VPS13B: variants seen among roughly 807,000 people sequenced by gnomAD.
The protein encoded by VPS13B is vacuolar protein sorting 13 homolog B.
In VPS13B, 285 loss-of-function variants were observed where a neutral mutation model predicts 426.4. That is an observed-to-expected ratio of 0.67 (90% CI 0.61 to 0.74). The LOEUF is 0.74. VPS13B is among the 30% of genes least tolerant of loss of function. VPS13B has a pLI of 0.00. For missense variants in VPS13B, 4,537 were observed against 4,782.6 expected (o/e 0.95, Z 1.51); for synonymous variants, 1,676 against 1,676.4 (o/e 1.00, Z 0.01).
At chr8:99,078,001 T>C (rs1845228362) in intron 3 of VPS13B, among the ~76,000 whole-genome samples, 1 of 152,122 alleles carries the variant, frequency 6.6e-6, no homozygotes, top group South Asian at 2.1e-4. Flanking sequence ...TTTTATTCAT[T>C]GAGTTTTTCA....
intron 21 of VPS13B, among the ~76,000 whole-genome samples, chr8:99,418,452 T>C (rs1258002218): frequency 1.3e-5 from 2 of 149,120 alleles, no homozygotes; most frequent in Non-Finnish European, 3.0e-5. Flanking sequence ...CACTTTATCA[T>C]AGTTTTCTTT....
chr8:99,194,630 T>C (rs1321818198), intron 17 of VPS13B, among the ~76,000 whole-genome samples: 2 of 152,238 alleles, frequency 1.3e-5, no homozygotes, highest in East Asian at 3.9e-4. Flanking sequence ...TAGTAATCTA[T>C]TGCGGATATA....
intron 43 of VPS13B, among the ~76,000 whole-genome samples, chr8:99,805,172 G>T (rs1003743143): frequency 6.6e-6 from 1 of 150,602 alleles, no homozygotes; most frequent in East Asian, 1.9e-4. Context: ...GACATTTTTT[G>T]AAGTTGTTTA....
intron 36 of VPS13B, among the ~76,000 whole-genome samples, chr8:99,714,858 T>G (rs143423263): frequency 6.6e-6 from 1 of 152,192 alleles, no homozygotes; most frequent in African/African-American, 2.4e-5. Context: ...CTTTGATGAT[T>G]AAATTCAGTA....
intron 19 of VPS13B, chr8:99,341,712 T>A: frequency 2.6e-6 from 1 of 390,166 alleles, no homozygotes; most frequent in Non-Finnish European, 5.3e-6. Flanking sequence ...TATTAGATAT[T>A]CTGGGATCTT....
At chr8:99,084,412 A>C (rs1183882292) in intron 3 of VPS13B, among the ~76,000 whole-genome samples, 1 of 152,006 alleles carries the variant, frequency 6.6e-6, no homozygotes, top group African/African-American at 2.4e-5. Flanking sequence ...CAGCTCCTGG[A>C]TTCTTTAATT....
At chr8:99,028,554 G>A (rs1192868644) in intron 2 of VPS13B, among the ~76,000 whole-genome samples, 1 of 109,168 alleles carries the variant, frequency 9.2e-6, no homozygotes, top group Non-Finnish European at 2.0e-5. Flanking sequence ...CGGACGGGGC[G>A]GCTGGCCGGG....
In VPS13B at chr8:99,589,299, C is replaced by T. The variant is rs561471478; in HGVS notation, c.5220+11666C>T. ...ATATATGTGCCATGTTGGTGTGCTGCACCCATTAACTCGTCATTTAGCATT... is the reference window on the plus strand; with the variant it reads ...ATATATGTGCCATGTTGGTGTGCTGTACCCATTAACTCGTCATTTAGCATT... On this transcript the variant is annotated intron_variant, in intron 33 of 61. Transcript: ENST00000357162. 7.3e-5 allele frequency among the ~76,000 whole-genome samples: 11 copies of T among 151,680 alleles called. 1 individual carries two copies. The East Asian group carries it at 1.7e-3, about 24-fold the overall frequency.
chr8:99,087,101 C>A (rs1318411556), intron 3 of VPS13B, among the ~76,000 whole-genome samples: 1 of 152,228 alleles, frequency 6.6e-6, no homozygotes, highest in Admixed American at 6.5e-5. Flanking sequence ...TGGTGGGCTC[C>A]ACCCAGTTTG....
intron 17 of VPS13B, among the ~76,000 whole-genome samples, chr8:99,221,318 T>C (rs535606824): frequency 6.6e-6 from 1 of 151,896 alleles, no homozygotes; most frequent in East Asian, 1.9e-4. Context: ...ATGGGATGGC[T>C]GGGTCAAATG....
At chr8:99,035,151 C>T (rs1842687137) in intron 2 of VPS13B, among the ~76,000 whole-genome samples, 1 of 151,088 alleles carries the variant, frequency 6.6e-6, no homozygotes, top group Admixed American at 6.6e-5. Context: ...CCACTGCACT[C>T]CAGCCTGGGT....
chr8:99,507,176 A>G lies in VPS13B; in HGVS notation c.4197A>G (p.Val1399=), dbSNP rs1821546067. 1 of 1,613,980 alleles carries G rather than the reference A, an allele frequency of 6.2e-7. No homozygotes were observed. The highest frequency in any genetic ancestry group is 1.7e-5 in the Admixed American group (1 of 60,010). ...EGWQSGHFEG[V]FLQCKEKSVT... is the part of the protein sequence containing the mutation. ...GGCAGTCAGGACATTTTGAAGGAGT[A>G]TTTCTACAATGCAAAGAAAAATCTG... The change falls in exon 28 of 62, where the codon GTA becomes GTG. Residue 1399 remains valine (V), a synonymous_variant. Transcript: ENST00000357162.
At chr8:99,432,864 A>G (rs1817186603) in intron 22 of VPS13B, among the ~76,000 whole-genome samples, 1 of 152,146 alleles carries the variant, frequency 6.6e-6, no homozygotes, top group African/African-American at 2.4e-5. Flanking sequence ...CAACTGACAA[A>G]ATTTATTCAT....
rs2133556617 is a variant in VPS13B at position 99,481,793 on chromosome 8, T to G, written c.3861T>G (p.Thr1287=). Residue 1287 remains threonine (T), a synonymous_variant, in exon 25 of 62, where the codon ACT becomes ACG. Transcript: ENST00000357162. The part of the protein sequence containing the change: ...STCSPSADIG[T]TTEGDSIQAG... Reference sequence around the variant, plus strand: ...GCAGCCCATCTGCTGACATTGGGACTACTACTGAGGTAAGTGTTTTTGAAA... The same window carrying G: ...GCAGCCCATCTGCTGACATTGGGACGACTACTGAGGTAAGTGTTTTTGAAA... 1.2e-6 allele frequency: 2 copies of G among 1,613,832 alleles called. No individual in the cohort carries two copies. The highest frequency in any genetic ancestry group is 1.7e-6 in the Non-Finnish European group (2 of 1,179,766).
At chr8:99,721,436 A>G (rs538012637) in intron 39 of VPS13B, among the ~76,000 whole-genome samples, 1 of 152,144 alleles carries the variant, frequency 6.6e-6, no homozygotes, top group Admixed American at 6.5e-5. Context: ...CTAGAAAGAG[A>G]TGACTGTAGT....
At chr8:99,394,513 A>G (rs1310961535) in intron 21 of VPS13B, among the ~76,000 whole-genome samples, 1 of 152,228 alleles carries the variant, frequency 6.6e-6, no homozygotes, top group Non-Finnish European at 1.5e-5. Context: ...CTGAGCCAGA[A>G]TAAAAACTTG....
At chr8:99,551,576 A>G (rs945792863) in intron 30 of VPS13B, among the ~76,000 whole-genome samples, 1 of 151,712 alleles carries the variant, frequency 6.6e-6, no homozygotes, top group Non-Finnish European at 1.5e-5. Context: ...TCTAATTTTT[A>G]TTTATTTGGA....
At chr8:99,276,101 A>C (rs1470860877) in intron 19 of VPS13B, among the ~76,000 whole-genome samples, 2 of 152,180 alleles carry the variant, frequency 1.3e-5, no homozygotes, top group Non-Finnish European at 2.9e-5. Context: ...GTTCAAGTGG[A>C]AACTATGAAA....
chr8:99,352,681 G>A (rs981530203), intron 19 of VPS13B, among the ~76,000 whole-genome samples: 6 of 151,726 alleles, frequency 4.0e-5, no homozygotes, highest in South Asian at 4.2e-4. Flanking sequence ...AAAATTAGCC[G>A]GACATGGTAG....
Sources: gnomAD v4.1 joint callset for allele counts (sites outside exome capture counted in the v4.1 genomes callset) on GRCh38, gnomAD v4.1.1 for gene constraint, MANE v1.5 for transcripts, NCBI Gene and HGNC (gene_info 2026-07-23, HGNC 2026-07-21) for gene names.